PRKD1: variants seen among roughly 807,000 people sequenced by gnomAD.
PRKD1 encodes protein kinase D1.
A neutral mutation model predicts 95.9 loss-of-function variants in PRKD1; 63 were observed. The observed-to-expected ratio is 0.66, with a 90% CI of 0.54 to 0.81. PRKD1 has a LOEUF of 0.81. PRKD1 is among the 30% of genes least tolerant of loss of function. The pLI, the probability that PRKD1 is intolerant of heterozygous loss-of-function variation, is 0.00. For missense variants in PRKD1, 1,048 were observed against 1,165.3 expected (o/e 0.90, Z 1.47); for synonymous variants, 425 against 423.1 (o/e 1.00, Z -0.05).
At chr14:29,766,615 T>C (rs1450533742) in intron 1 of PRKD1, among the ~76,000 whole-genome samples, 1 of 152,224 alleles carries the variant, frequency 6.6e-6, no homozygotes, top group Non-Finnish European at 1.5e-5. Flanking sequence ...CTGTAATTTA[T>C]GTATGTATAC....
In PRKD1 at chr14:29,609,897, G is replaced by A. The variant is rs971710006; in HGVS notation, c.1906-10080C>T. On this transcript the variant is annotated intron_variant, in intron 13 of 17. Coordinates refer to ENST00000331968, the MANE Select transcript of PRKD1 (RefSeq NM_002742.3). ...ATTCAAAAACCTATCCACACACCTC[G>A]CAGTCATTCTTCGTTTCATACATTC... Among the ~76,000 whole-genome samples the A allele has an allele frequency of 2.0e-5, 3 of 151,816 alleles. No individual in the cohort carries two copies. The South Asian group carries it at 6.2e-4, about 32-fold the overall frequency.
At chr14:29,688,948 C>CAAAA (rs377212196) in intron 2 of PRKD1, among the ~76,000 whole-genome samples, 675 of 30,648 alleles carry the variant, frequency 0.022, no homozygotes, top group Non-Finnish European at 0.029. Context: ...GACTCCGTCT[C>CAAAA]AAAAAAAAAA....
rs1036114216 is a variant in PRKD1, at chr14:29,624,254, T to C, written c.1803A>G (p.Lys601=). 1 of 1,596,126 alleles carries C rather than the reference T, an allele frequency of 6.3e-7. No homozygotes were observed. The highest frequency in any genetic ancestry group is 1.7e-4 in the Middle Eastern group (1 of 5,996). Residue 601 remains lysine (K), a synonymous_variant, in exon 13 of 18, where the codon AAA becomes AAG. Coordinates refer to ENST00000331968, the MANE Select transcript of PRKD1 (RefSeq NM_002742.3). ...CTACATCTCTTCCTGTTTTACGATG[T>C]TTTCCTTTAAAATGAAAAAGGGAAG... is the stretch of plus-strand genomic sequence containing the variant. ...SGQFGIVYGG[K]HRKTGRDVAI...
intron 16 of PRKD1, chr14:29,591,147 T>C (rs761123043): frequency 6.6e-6 from 1 of 152,192 alleles, no homozygotes; most frequent in Non-Finnish European, 1.5e-5. Context: ...ACGACTTTGT[T>C]ATACAACTTT....
chr14:29,630,262 C>G (rs924635552), intron 10 of PRKD1, among the ~76,000 whole-genome samples: 2 of 152,094 alleles, frequency 1.3e-5, no homozygotes, highest in Non-Finnish European at 2.9e-5. Flanking sequence ...GCCTCAGCCT[C>G]CAGAGTAGCT....
At chr14:29,775,505 C>T (rs956667679) in intron 1 of PRKD1, among the ~76,000 whole-genome samples, 31 of 152,318 alleles carry the variant, frequency 2.0e-4, no homozygotes, top group Admixed American at 8.5e-4. Flanking sequence ...TTATATCCCA[C>T]GCCTGGCTCG....
At chr14:29,603,111 TA>T (rs1387982868) in intron 13 of PRKD1, among the ~76,000 whole-genome samples, 1 of 152,188 alleles carries the variant, frequency 6.6e-6, no homozygotes, top group Non-Finnish European at 1.5e-5. Flanking sequence ...ACACAACTGA[TA>T]AAAAGAAGTC....
intron 1 of PRKD1, among the ~76,000 whole-genome samples, chr14:29,838,373 G>C (rs1416500097): frequency 6.6e-6 from 1 of 152,094 alleles, no homozygotes; most frequent in African/African-American, 2.4e-5. Flanking sequence ...CAAGCCATAA[G>C]TGCTTCACAT....
At chr14:29,782,186 G>A (rs1004840230) in intron 1 of PRKD1, among the ~76,000 whole-genome samples, 1 of 152,208 alleles carries the variant, frequency 6.6e-6, no homozygotes, top group Non-Finnish European at 1.5e-5. Context: ...GTGATACTCT[G>A]ATGTACTGGT....
At chr14:29,670,844 G>A (rs1882796844) in intron 2 of PRKD1, among the ~76,000 whole-genome samples, 1 of 152,082 alleles carries the variant, frequency 6.6e-6, no homozygotes, top group African/African-American at 2.4e-5. Flanking sequence ...TCACATTTTT[G>A]TTATACCTGG....
At chr14:29,621,928 C>A (rs1280359899) in intron 13 of PRKD1, among the ~76,000 whole-genome samples, 1 of 152,140 alleles carries the variant, frequency 6.6e-6, no homozygotes, top group Non-Finnish European at 1.5e-5. Flanking sequence ...TCAACCTAAC[C>A]AAACTCTTTA....
At position 29,917,455 on chromosome 14, in the gene PRKD1, T is replaced by C. The variant is rs780349321; in HGVS notation, c.264+9794A>G. ...TCGGTGAATAAATTTCAAGCAAAAA[T>C]TCCTAGTCAAAAGTCAACTTAAACC... is the stretch of plus-strand genomic sequence containing the variant. On this transcript the variant is annotated intron_variant, in intron 1 of 17. Transcript: ENST00000331968. Among the ~76,000 whole-genome samples the C allele has an allele frequency of 9.2e-5, 14 of 151,806 alleles. 1 individual carries two copies. The highest frequency in any genetic ancestry group is 1.8e-4 in the Non-Finnish European group (12 of 68,028).
chr14:29,775,112 GA>G (rs956937681), intron 1 of PRKD1, among the ~76,000 whole-genome samples: 11 of 149,674 alleles, frequency 7.3e-5, no homozygotes, highest in African/African-American at 9.8e-5. Context: ...TCTGATTTAT[GA>G]AAAAAAAAAT....
intron 1 of PRKD1, among the ~76,000 whole-genome samples, chr14:29,875,280 A>C (rs1893247636): frequency 6.6e-6 from 1 of 152,274 alleles, no homozygotes; most frequent in African/African-American, 2.4e-5. Flanking sequence ...GATGGTAGAA[A>C]GTCTTACTGT....
rs1879380381 is a variant in PRKD1, at chr14:29,623,009, G to A, written c.1905+1143C>T. Among the ~76,000 whole-genome samples the A allele has an allele frequency of 2.0e-5, 3 of 152,320 alleles. No individual in the cohort carries two copies. The South Asian group carries it at 6.2e-4, about 32-fold the overall frequency. ...GTGCAAGGGCCAGGTTAGGAAAGAT[G>A]TCATTTACTAGAGTTTCAGATGTCA... On this transcript the variant is annotated intron_variant, in intron 13 of 17. Coordinates refer to ENST00000331968, the MANE Select transcript of PRKD1 (RefSeq NM_002742.3).
chr14:29,856,398 T>C (rs916934304), intron 1 of PRKD1, among the ~76,000 whole-genome samples: 3 of 152,178 alleles, frequency 2.0e-5, no homozygotes, highest in African/African-American at 7.2e-5. Context: ...AACCAAAGGT[T>C]TGCCATGGTC....
At chr14:29,903,984 A>G (rs1297116386) in intron 1 of PRKD1, among the ~76,000 whole-genome samples, 1 of 152,146 alleles carries the variant, frequency 6.6e-6, no homozygotes, top group East Asian at 1.9e-4. Flanking sequence ...TTTTACATAT[A>G]CAAACACACA....
chr14:29,859,854 A>G (rs969030295), intron 1 of PRKD1, among the ~76,000 whole-genome samples: 5 of 152,266 alleles, frequency 3.3e-5, no homozygotes, highest in Middle Eastern at 3.4e-3. Context: ...AGGAAATAAT[A>G]TAGTTTTTTA....
In PRKD1 at chr14:29,636,471, A is replaced by G. The variant is rs1039655744; in HGVS notation, c.1009T>C (p.Ser337Pro). The G allele has an allele frequency of 5.0e-6, 8 of 1,613,816 alleles. No individual in the cohort carries two copies. Among genetic ancestry groups the G allele is most frequent in the African/African-American group, 2.7e-5 (2 of 74,840 alleles). The change falls in exon 7 of 18, where the codon TCT becomes CCT. Residue 337 changes from serine to proline, a missense_variant. Physicochemically the swap from Ser to Pro is moderately conservative, Grantham distance 74 (BLOSUM62 -1). Around this residue, in one of 3 missense-constraint regions of PRKD1, gnomAD observed 739 missense variants for 861.9 expected, o/e 0.86. Coordinates refer to ENST00000331968, the MANE Select transcript of PRKD1 (RefSeq NM_002742.3). Reference protein sequence around the residue: ...NGDLLSPGAESDVVMEEGSDD... With the variant: ...NGDLLSPGAEPDVVMEEGSDD... ...CTCCCTTCTTCCATGACCACATCAG[A>G]CTCTGCCCCAGGGCTAAGCAAATCT... is the stretch of plus-strand genomic sequence containing the variant.
Sources: gnomAD v4.1 joint callset for allele counts (sites outside exome capture counted in the v4.1 genomes callset) on GRCh38, gnomAD v4.1.1 for gene constraint, gnomAD v4.1.1 regional missense constraint, MANE v1.5 for transcripts, NCBI Gene and HGNC (gene_info 2026-07-23, HGNC 2026-07-21) for gene names.